RASA3: variants seen among roughly 807,000 people sequenced by gnomAD.
RASA3 encodes RAS p21 protein activator 3, also known as ras GTPase-activating protein 3.
Under a neutral mutation model 110.0 loss-of-function variants are expected in RASA3, and 73 were observed. That is an observed-to-expected ratio of 0.66 (90% CI 0.55 to 0.81). The LOEUF is 0.81. Ranked by LOEUF, RASA3 falls within the 30% of genes least tolerant of loss-of-function variation. The probability of loss-of-function intolerance (pLI) is 0.00; values close to 1 mark genes in which losing one functional copy is unlikely to be tolerated. For missense variants in RASA3, 976 were observed against 1,113.2 expected (o/e 0.88, Z 1.75); for synonymous variants, 500 against 451.4 (o/e 1.11, Z -1.37).
intron 4 of RASA3, 94 bp from the exon 5 acceptor site, chr13:114,029,981 G>C: frequency 1.6e-6 from 2 of 1,224,172 alleles, no homozygotes; most frequent in Admixed American, 4.0e-5. Flanking sequence ...AGGGCAAAGG[G>C]AGCAGGCGGC....
chr13:114,046,271 G>C (rs1433836907), intron 3 of RASA3, among the ~76,000 whole-genome samples: 1 of 152,182 alleles, frequency 6.6e-6, no homozygotes. Flanking sequence ...AGCCTCAGAG[G>C]GTCTGTAGCT....
chr13:114,004,313 A>G (rs1329551916), intron 18 of RASA3, among the ~76,000 whole-genome samples: 1 of 152,096 alleles, frequency 6.6e-6, no homozygotes, highest in South Asian at 2.1e-4. Context: ...TTTGCAAAGC[A>G]CAGATCCAAC....
chr13:114,103,083 CTGTGGCTGTCGTGGA>C lies in RASA3; in HGVS notation c.56-29261_56-29247del, dbSNP rs538508084. Among the ~76,000 whole-genome samples the C allele has an allele frequency of 2.9e-3, 438 of 152,166 alleles. 4 individuals are homozygous for C. The highest frequency in any genetic ancestry group is 5.5e-3 in the Non-Finnish European group (377 of 68,022). On this transcript the variant is annotated intron_variant, in intron 1 of 23. Transcript: ENST00000334062. ...GCCGGCCCCAGGGGGAGAAATGCAG[CTGTGGCTGTCGTGGA>C]GGTGGCTGTGGCCAATGGCCGTGAC...
chr13:114,072,229 T>C (rs1017044761), intron 2 of RASA3, among the ~76,000 whole-genome samples: 1 of 152,196 alleles, frequency 6.6e-6, no homozygotes, highest in South Asian at 2.1e-4. Flanking sequence ...CCCCGTGCCA[T>C]GTCCTGGTGT....
At chr13:114,099,519 C>G (rs890287469) in intron 1 of RASA3, among the ~76,000 whole-genome samples, 1 of 151,752 alleles carries the variant, frequency 6.6e-6, no homozygotes, top group East Asian at 1.9e-4. Context: ...TGTGTTCACA[C>G]AGCGCGTCTC....
chr13:114,020,321 CAGGT>C (rs2053899425), intron 9 of RASA3, among the ~76,000 whole-genome samples: 1 of 152,216 alleles, frequency 6.6e-6, no homozygotes, highest in Admixed American at 6.5e-5. Flanking sequence ...CCCATCGCCC[CAGGT>C]AGGTAGAGCC....
chr13:114,074,390 C>T (rs569687348), intron 1 of RASA3, among the ~76,000 whole-genome samples: 3 of 152,324 alleles, frequency 2.0e-5, no homozygotes, highest in Admixed American at 2.0e-4. Flanking sequence ...TCCTTTCAGC[C>T]CGGCTCACTC....
intron 2 of RASA3, among the ~76,000 whole-genome samples, chr13:114,067,787 T>C (rs2079479045): frequency 1.3e-5 from 2 of 151,522 alleles, no homozygotes; most frequent in South Asian, 2.1e-4. Flanking sequence ...CAAGTGAGGG[T>C]CCCTGGTGAT....
At position 114,114,682 on chromosome 13, in the gene RASA3, G is replaced by A. The variant is rs978098159; in HGVS notation, c.55+17753C>T. ...AACTTGTTTTTCTTCATCCTTCGCC[G>A]ACCTTTGTTTATGGGTAACCCTTGA... is the stretch of plus-strand genomic sequence containing the variant. On this transcript the variant is annotated intron_variant, in intron 1 of 23. Transcript: ENST00000334062. The surrounding 1 kb of genome is among the most constrained non-coding windows in gnomAD (Gnocchi z 4.8). Among the ~76,000 whole-genome samples, 5 of 152,114 alleles carry A rather than the reference G, an allele frequency of 3.3e-5. No homozygotes were observed. The highest frequency in any genetic ancestry group is 3.9e-4 in the East Asian group (2 of 5,194).
chr13:114,025,882 G>T (rs940031979), intron 7 of RASA3, among the ~76,000 whole-genome samples: 2 of 152,202 alleles, frequency 1.3e-5, no homozygotes, highest in African/African-American at 4.8e-5. Flanking sequence ...CCTCCAGCTG[G>T]GTCAGAAGCA....
At chr13:114,058,386 C>G (rs997146581) in intron 2 of RASA3, among the ~76,000 whole-genome samples, 1 of 152,240 alleles carries the variant, frequency 6.6e-6, no homozygotes, top group Non-Finnish European at 1.5e-5. Context: ...CGACCTCTCC[C>G]GAACCTGGAT....
chr13:114,067,960 C>T lies in RASA3; in HGVS notation c.173+5760G>A, dbSNP rs529044676. ...CTTCTCAGAAATCACATCACATTGA[C>T]GTTTTTGTCTGCGTATCCAGATCAT... On this transcript the variant is annotated intron_variant, in intron 2 of 23. Coordinates refer to ENST00000334062, the MANE Select transcript of RASA3 (RefSeq NM_007368.4). 6.8e-4 allele frequency among the ~76,000 whole-genome samples: 103 copies of T among 152,338 alleles called. No homozygotes were observed. In the South Asian group the frequency reaches 0.019, roughly 28 times the overall value.
intron 3 of RASA3, 59 bp from the exon 4 acceptor site, chr13:114,041,153 G>C (rs2139466609): frequency 3.5e-6 from 5 of 1,411,422 alleles, no homozygotes; most frequent in Non-Finnish European, 3.0e-6. Flanking sequence ...CAGGACGCCT[G>C]TGAGCAGAAG....
intron 2 of RASA3, among the ~76,000 whole-genome samples, chr13:114,062,896 C>T (rs1300037379): frequency 2.6e-5 from 4 of 152,214 alleles, no homozygotes; most frequent in African/African-American, 9.6e-5. Context: ...AACCAACAGG[C>T]CACGCACACA....
Position 114,030,446 on chromosome 13 carries a change from AG to A in RASA3, c.373-560del, listed in dbSNP as rs1566501623. Among the ~76,000 whole-genome samples, 72 of 105,680 alleles carry A rather than the reference AG, an allele frequency of 6.8e-4. 1 individual carries two copies. Among genetic ancestry groups the A allele is most frequent in the African/African-American group, 2.5e-3 (65 of 26,278 alleles). 69.3% of individuals were successfully genotyped at this position (105,680 alleles called of 152,430 possible). On this transcript the variant is annotated intron_variant, in intron 4 of 23. Transcript: ENST00000334062. ...CACACAGAGGGCAAGGCTCACACAG[AG>A]GGCAAGGCTCACACAGAGGGCAAGG...
At chr13:114,060,904 G>A (rs550536272) in intron 2 of RASA3, among the ~76,000 whole-genome samples, 237 of 127,526 alleles carry the variant, frequency 1.9e-3, no homozygotes, top group Admixed American at 3.2e-3. Flanking sequence ...GGGAGACGGG[G>A]CCTCCAAAGC....
chr13:113,992,621 AAC>A (rs1318726212), intron 21 of RASA3, 33 bp from the exon 22 acceptor site: 1 of 1,486,184 alleles, frequency 6.7e-7, no homozygotes, highest in Non-Finnish European at 9.4e-7. Flanking sequence ...GAAAGATAAA[AAC>A]ACTTATTTAA....
At chr13:114,099,153 G>A (rs868602793) in intron 1 of RASA3, among the ~76,000 whole-genome samples, 17 of 126,104 alleles carry the variant, frequency 1.3e-4, no homozygotes, top group Admixed American at 1.5e-4. Flanking sequence ...CCGGCCACCC[G>A]AGCCCCCCAG....
At chr13:114,123,491 C>T (rs922112278) in intron 1 of RASA3, among the ~76,000 whole-genome samples, 1 of 152,218 alleles carries the variant, frequency 6.6e-6, no homozygotes, top group Non-Finnish European at 1.5e-5. Context: ...GGAACTGGCT[C>T]CAACGCCACA....
Sources: gnomAD v4.1 joint callset for allele counts (sites outside exome capture counted in the v4.1 genomes callset) on GRCh38, gnomAD v4.1.1 for gene constraint, Gnocchi (gnomAD v3.1) non-coding constraint, MANE v1.5 for transcripts, NCBI Gene and HGNC (gene_info 2026-07-23, HGNC 2026-07-21) for gene names.